The following IQGAP2 variants were observed in gnomAD, a reference collection of about 807,000 sequenced individuals.
IQGAP2 encodes the protein ras GTPase-activating-like protein IQGAP2.
In IQGAP2, 173 loss-of-function variants were observed where a neutral mutation model predicts 201.3. The ratio of observed to expected loss-of-function variants is 0.86; its 90% CI spans 0.76 to 0.98. IQGAP2 has a LOEUF of 0.98. IQGAP2 is among the 50% of genes least tolerant of loss of function. The pLI, the probability that IQGAP2 is intolerant of heterozygous loss-of-function variation, is 0.00. For synonymous variants in IQGAP2, 675 were observed against 673.9 expected (o/e 1.00, Z -0.03); for missense variants, 1,687 against 1,864.8 (o/e 0.90, Z 1.76).
At chr5:76,445,605 C>T (rs1016531501) in intron 1 of IQGAP2, among the ~76,000 whole-genome samples, 3 of 151,902 alleles carry the variant, frequency 2.0e-5, no homozygotes, top group Non-Finnish European at 4.4e-5. Context: ...GCTGGGATTA[C>T]AGGTGCCAGC....
rs1203994173 is a variant in IQGAP2, at chr5:76,427,989, G to C, written c.46+24398G>C. 2.6e-5 allele frequency among the ~76,000 whole-genome samples: 4 copies of C among 152,208 alleles called. No homozygotes were observed. In the East Asian group the frequency reaches 7.7e-4, roughly 29 times the overall value. ...ACCAATGCCTGCAGTTCCTTACCTG[G>C]CACTGAGGGGAGCATTTTAACAGGA... On this transcript the variant is annotated intron_variant, in intron 1 of 35. Transcript: ENST00000274364.
chr5:76,424,967 G>A (rs1009863679), intron 1 of IQGAP2, among the ~76,000 whole-genome samples: 1 of 152,236 alleles, frequency 6.6e-6, no homozygotes, highest in African/African-American at 2.4e-5. Context: ...ATGCATGCAT[G>A]CACGCAGGAT....
At chr5:76,495,591 A>G (rs991717322) in intron 2 of IQGAP2, among the ~76,000 whole-genome samples, 1 of 152,200 alleles carries the variant, frequency 6.6e-6, no homozygotes, top group Non-Finnish European at 1.5e-5. Context: ...CTATAAAGAA[A>G]TACCTGAGGC....
intron 2 of IQGAP2, among the ~76,000 whole-genome samples, chr5:76,514,569 C>T (rs1758191100): frequency 6.6e-6 from 1 of 152,200 alleles, no homozygotes; most frequent in African/African-American, 2.4e-5. Context: ...TGGGGAAAAA[C>T]CTTTGTTCAT....
chr5:76,537,767 T>C (rs1297130566), intron 2 of IQGAP2, among the ~76,000 whole-genome samples: 3 of 152,196 alleles, frequency 2.0e-5, no homozygotes, highest in African/African-American at 7.2e-5. Flanking sequence ...TTTGATCTTC[T>C]ATCAACATGC....
intron 5 of IQGAP2, 72 bp downstream of exon 5, chr5:76,575,841 AG>A: frequency 1.2e-6 from 1 of 829,444 alleles, no homozygotes; most frequent in Non-Finnish European, 1.9e-6. Context: ...CAATTTTAAA[AG>A]AGGTTTTAAG....
intron 2 of IQGAP2, among the ~76,000 whole-genome samples, chr5:76,531,868 C>G (rs1034195483): frequency 6.6e-6 from 1 of 152,162 alleles, no homozygotes. Flanking sequence ...ATTTATTTCT[C>G]ACAATTCAGG....
At chr5:76,657,002 T>C (rs2150442168) in intron 20 of IQGAP2, among the ~76,000 whole-genome samples, 1 of 152,318 alleles carries the variant, frequency 6.6e-6, no homozygotes, top group East Asian at 1.9e-4. Context: ...AACTAAGATG[T>C]GGTCAGTTGT....
At chr5:76,538,280 C>T (rs1053812100) in intron 2 of IQGAP2, among the ~76,000 whole-genome samples, 13 of 152,106 alleles carry the variant, frequency 8.5e-5, no homozygotes, top group African/African-American at 2.4e-4. Context: ...TCCACTGGGT[C>T]GCTCCCACGA....
intron 13 of IQGAP2, 54 bp from the exon 14 acceptor site, chr5:76,627,354 TTC>T: frequency 8.8e-7 from 1 of 1,136,646 alleles, no homozygotes; most frequent in Non-Finnish European, 1.3e-6. Flanking sequence ...CAGTTATTAA[TTC>T]TGTTTCCTCA....
At chr5:76,575,929 C>G (rs1281406196) in intron 5 of IQGAP2, among the ~76,000 whole-genome samples, 160 bp downstream of exon 5, 1 of 152,088 alleles carries the variant, frequency 6.6e-6, no homozygotes, top group Admixed American at 6.5e-5. Context: ...AAATAATGGT[C>G]ACATATAAGC....
rs773323091 is a variant in IQGAP2 at position 76,619,514 on chromosome 5, CTT to C, written c.1522-7875_1522-7874del. 1.4e-3 allele frequency among the ~76,000 whole-genome samples: 141 copies of C among 104,248 alleles called. 2 individuals are homozygous for C. Among genetic ancestry groups the C allele is most frequent in the African/African-American group, 3.9e-3 (98 of 25,004 alleles). 68.4% of individuals were successfully genotyped at this position (104,248 alleles called of 152,430 possible). A position where few individuals can be genotyped will look rare whatever the true frequency, so the allele number is the denominator to read the frequency against. On this transcript the variant is annotated intron_variant, in intron 13 of 35. Transcript: ENST00000274364. ...CAGATCTAACTTAGTTAAGGATCTT[CTT>C]TTTTTTTTTTTTTTTTTTTTGAGAC...
At chr5:76,626,162 C>A (rs887093823) in intron 13 of IQGAP2, among the ~76,000 whole-genome samples, 2 of 152,016 alleles carry the variant, frequency 1.3e-5, no homozygotes, top group African/African-American at 4.8e-5. Context: ...AACTTGACAC[C>A]TTTACCATAG....
chr5:76,621,227 C>T lies in IQGAP2; in HGVS notation c.1522-6183C>T, dbSNP rs2069659. Among the ~76,000 whole-genome samples, 1,298 of 152,226 alleles carry T rather than the reference C, an allele frequency of 8.5e-3. 9 individuals are homozygous for T. Among genetic ancestry groups the T allele is most frequent in the African/African-American group, 0.03 (1,235 of 41,524 alleles). On this transcript the variant is annotated intron_variant, in intron 13 of 35. Transcript: ENST00000274364. ...TTAGCTCCCGGGTGAAATGGAAACC[C>T]TCCACGTAAACCTGAGATTGCACAA...
At chr5:76,508,544 G>T (rs953313565) in intron 2 of IQGAP2, among the ~76,000 whole-genome samples, 1 of 151,500 alleles carries the variant, frequency 6.6e-6, no homozygotes, top group Non-Finnish European at 1.5e-5. Context: ...TCAAGTATTA[G>T]AATTTAATAA....
intron 1 of IQGAP2, among the ~76,000 whole-genome samples, chr5:76,412,458 G>A (rs1269505635): frequency 2.0e-5 from 3 of 152,124 alleles, no homozygotes; most frequent in Non-Finnish European, 4.4e-5. Context: ...GTACCACCAT[G>A]CCTGACATAG....
intron 1 of IQGAP2, among the ~76,000 whole-genome samples, chr5:76,449,914 A>T (rs1021607187): frequency 6.6e-6 from 1 of 152,254 alleles, no homozygotes; most frequent in Non-Finnish European, 1.5e-5. Context: ...GCAGTACAGC[A>T]TGAATTATAT....
rs773131910 is a variant in IQGAP2 at position 76,597,507 on chromosome 5, C to T, written c.976C>T (p.Leu326=). ...EGDPENTLLA[L]KKPEAQLPAV... ...TGACCCCGAGAATACGCTGCTTGCA[C>T]TGAAGAAACCAGAGGCCCAGCTGCC... is the stretch of plus-strand genomic sequence containing the variant. Residue 326 remains leucine, a synonymous_variant, in exon 10 of 36, where the codon CTG becomes TTG. Transcript: ENST00000274364. The T allele has an allele frequency of 5.0e-6, 8 of 1,613,998 alleles. No individual in the cohort carries two copies. In the South Asian group the frequency reaches 7.7e-5, roughly 16 times the overall value.
intron 22 of IQGAP2, among the ~76,000 whole-genome samples, chr5:76,666,505 T>C (rs1743768080): frequency 6.6e-6 from 1 of 152,236 alleles, no homozygotes; most frequent in Non-Finnish European, 1.5e-5. Flanking sequence ...GGCACATTTA[T>C]GGGAAGAAGA....
Sources: allele counts gnomAD v4.1 joint callset (sites outside exome capture counted in the v4.1 genomes callset), GRCh38; gene constraint gnomAD v4.1.1; transcripts MANE v1.5; gene names NCBI Gene and HGNC (gene_info 2026-07-23, HGNC 2026-07-21).